The following CNTN5 variants were observed in gnomAD, a reference collection of about 807,000 sequenced individuals.
CNTN5 encodes the protein contactin 5.
Under a neutral mutation model 129.1 loss-of-function variants are expected in CNTN5, and 77 were observed. That is an observed-to-expected ratio of 0.60 (90% CI 0.50 to 0.72). The LOEUF (loss-of-function observed/expected upper bound fraction) is 0.72. Ranked by LOEUF, CNTN5 falls within the 30% of genes least tolerant of loss-of-function variation. CNTN5 has a pLI of 0.00. For missense variants in CNTN5, 1,478 were observed against 1,328.8 expected (o/e 1.11, Z -1.75); for synonymous variants, 509 against 465.6 (o/e 1.09, Z -1.20).
intron 23 of CNTN5, among the ~76,000 whole-genome samples, chr11:100,346,741 G>T (rs1182318228): frequency 2.0e-5 from 3 of 152,048 alleles, no homozygotes; most frequent in Non-Finnish European, 4.4e-5. Context: ...CAGGCCCAAA[G>T]TTTACTAGTT....
At chr11:99,901,066 C>T (rs1048689215) in intron 6 of CNTN5, among the ~76,000 whole-genome samples, 1 of 152,046 alleles carries the variant, frequency 6.6e-6, no homozygotes, top group Non-Finnish European at 1.5e-5. Flanking sequence ...CAGTTTCTCA[C>T]AAAAGTGTCT....
chr11:100,071,321 A>G (rs1255156844), intron 11 of CNTN5, among the ~76,000 whole-genome samples: 1 of 152,106 alleles, frequency 6.6e-6, no homozygotes, highest in East Asian at 1.9e-4. Context: ...TCATGTGTCT[A>G]CAACCTCAGT....
At chr11:99,802,124 G>A (rs1946132675) in intron 3 of CNTN5, among the ~76,000 whole-genome samples, 1 of 152,102 alleles carries the variant, frequency 6.6e-6, no homozygotes, top group African/African-American at 2.4e-5. Flanking sequence ...AGAGAATATT[G>A]AGTAGAATTT....
chr11:99,151,777 A>G (rs1420702576), intron 1 of CNTN5, among the ~76,000 whole-genome samples: 2 of 152,094 alleles, frequency 1.3e-5, no homozygotes, highest in Non-Finnish European at 2.9e-5. Context: ...GCCGGAAACC[A>G]TCATTCTCAG....
intron 3 of CNTN5, among the ~76,000 whole-genome samples, chr11:99,817,588 C>G (rs569177048): frequency 2.8e-4 from 36 of 128,816 alleles, no homozygotes; most frequent in African/African-American, 9.2e-4. Flanking sequence ...TAATACTAGT[C>G]TGGGATAGTT....
chr11:100,101,106 T>C (rs12283718), intron 13 of CNTN5, among the ~76,000 whole-genome samples: 1,744 of 152,230 alleles, frequency 0.011, 38 homozygotes, highest in African/African-American at 0.039. Context: ...CAATACGGTA[T>C]GTTCCTGTAA....
intron 2 of CNTN5, among the ~76,000 whole-genome samples, chr11:99,543,718 G>C (rs1319614550): frequency 6.6e-6 from 1 of 152,100 alleles, no homozygotes; most frequent in Non-Finnish European, 1.5e-5. Flanking sequence ...AGGAGTTCAA[G>C]ACCAGCCTGG....
chr11:99,710,867 G>C (rs1164044226), intron 3 of CNTN5, among the ~76,000 whole-genome samples: 1 of 151,836 alleles, frequency 6.6e-6, no homozygotes, highest in Non-Finnish European at 1.5e-5. Context: ...TATCAACTTA[G>C]TTACTAAAAC....
intron 3 of CNTN5, among the ~76,000 whole-genome samples, chr11:99,706,775 T>C (rs1223057925): frequency 6.6e-6 from 1 of 151,326 alleles, no homozygotes; most frequent in Non-Finnish European, 1.5e-5. Flanking sequence ...ACTGACCTTT[T>C]TAATGACCAA....
At chr11:100,099,704 C>T (rs1945153178) in intron 13 of CNTN5, among the ~76,000 whole-genome samples, 1 of 151,298 alleles carries the variant, frequency 6.6e-6, no homozygotes, top group East Asian at 1.9e-4. Context: ...TTTATAGTTT[C>T]CAATTACCTT....
chr11:99,822,604 T>C (rs917949845), intron 4 of CNTN5, among the ~76,000 whole-genome samples: 1 of 152,166 alleles, frequency 6.6e-6, no homozygotes, highest in African/African-American at 2.4e-5. Context: ...TGCTTACCAC[T>C]GCGGACAAAG....
intron 6 of CNTN5, among the ~76,000 whole-genome samples, chr11:99,877,317 A>G (rs1447152885): frequency 6.6e-6 from 1 of 152,210 alleles, no homozygotes; most frequent in Non-Finnish European, 1.5e-5. Flanking sequence ...ACTCAGCCAG[A>G]TCCCATTGGG....
At chr11:99,973,645 G>C (rs1472574946) in intron 8 of CNTN5, among the ~76,000 whole-genome samples, 1 of 151,644 alleles carries the variant, frequency 6.6e-6, no homozygotes, top group African/African-American at 2.4e-5. Flanking sequence ...CTCACGTTTT[G>C]TCTCAGTTAA....
intron 3 of CNTN5, among the ~76,000 whole-genome samples, chr11:99,563,727 G>C (rs527240669): frequency 1.2e-4 from 18 of 152,242 alleles, no homozygotes; most frequent in Non-Finnish European, 2.2e-4. Context: ...CAAAGGCAAT[G>C]GGAATGACTT....
At chr11:100,064,572 G>T (rs144905039) in intron 10 of CNTN5, among the ~76,000 whole-genome samples, 1,706 of 152,164 alleles carry the variant, frequency 0.011, 22 homozygotes, top group Non-Finnish European at 0.02. Context: ...GAAATAATTT[G>T]AACCTTAGCA....
intron 2 of CNTN5, among the ~76,000 whole-genome samples, chr11:99,480,122 A>G (rs996558792): frequency 6.6e-6 from 1 of 152,112 alleles, no homozygotes; most frequent in Non-Finnish European, 1.5e-5. Context: ...AGTAAGCATG[A>G]TTTTTTCTGG....
intron 1 of CNTN5, among the ~76,000 whole-genome samples, chr11:99,295,223 T>C (rs1020900474): frequency 1.3e-5 from 2 of 152,186 alleles, no homozygotes; most frequent in East Asian, 1.9e-4. Context: ...AAGAATGAGC[T>C]AGCTGAAGTG....
intron 1 of CNTN5, among the ~76,000 whole-genome samples, chr11:99,302,485 C>G (rs546935405): frequency 1.3e-5 from 2 of 151,772 alleles, no homozygotes; most frequent in South Asian, 4.1e-4. Flanking sequence ...TGGAAAGTGA[C>G]TACTAAATGG....
chr11:99,364,357 AT>A (rs1017810684), intron 2 of CNTN5, among the ~76,000 whole-genome samples: 1 of 152,088 alleles, frequency 6.6e-6, no homozygotes, highest in African/African-American at 2.4e-5. Context: ...TAATATGCTA[AT>A]TTTTGTAGCT....
Sources: allele counts gnomAD v4.1 joint callset (sites outside exome capture counted in the v4.1 genomes callset), GRCh38; gene constraint gnomAD v4.1.1; transcripts MANE v1.5; gene names NCBI Gene and HGNC (gene_info 2026-07-23, HGNC 2026-07-21).